The following PACRG variants were observed in gnomAD, a reference collection of about 807,000 sequenced individuals.
PACRG encodes the protein parkin coregulated gene protein.
A neutral mutation model predicts 29.7 loss-of-function variants in PACRG; 29 were observed. The observed-to-expected ratio is 0.98, with a 90% CI of 0.73 to 1.33. The LOEUF is 1.33. Among genes scored for constraint, PACRG ranks in the 40% most tolerant of loss-of-function variants. PACRG has a pLI of 0.00. For synonymous variants in PACRG, 116 were observed against 118.7 expected (o/e 0.98, Z 0.15); for missense variants, 279 against 316.2 (o/e 0.88, Z 0.89).
chr6:162,805,349 G>T lies in PACRG; in HGVS notation c.157-8798G>T, dbSNP rs541050928. ...ATAGCATTATGTCTAAAAACAATGA[G>T]CCTACCATAATTAAAAATACTGCTA... On this transcript the variant is annotated intron_variant, in intron 1 of 4. Transcript: ENST00000366888. 3.3e-5 allele frequency among the ~76,000 whole-genome samples: 5 copies of T among 152,200 alleles called. No homozygotes were observed. The South Asian group carries it at 8.3e-4, about 25-fold the overall frequency.
At chr6:163,111,974 C>T (rs757236052) in intron 4 of PACRG, 13 of 808,332 alleles carry the variant, frequency 1.6e-5, no homozygotes, top group Middle Eastern at 1.3e-3. Context: ...ATTTTTACAC[C>T]CAAATTTTAT....
intron 4 of PACRG, among the ~76,000 whole-genome samples, chr6:163,205,098 C>T (rs964557448): frequency 2.0e-5 from 3 of 152,184 alleles, no homozygotes; most frequent in African/African-American, 7.2e-5. Flanking sequence ...ACATTTCATG[C>T]TTATGGATAG....
intron 1 of PACRG, among the ~76,000 whole-genome samples, chr6:162,748,415 C>A (rs1030305321): frequency 6.6e-6 from 1 of 152,176 alleles, no homozygotes; most frequent in Admixed American, 6.5e-5. Flanking sequence ...ATCGCTTGAA[C>A]CCCAGGAGGC....
intron 4 of PACRG, among the ~76,000 whole-genome samples, chr6:163,303,162 C>G (rs554857451): frequency 6.6e-6 from 1 of 152,058 alleles, no homozygotes; most frequent in Non-Finnish European, 1.5e-5. Context: ...AAAACCCCAT[C>G]TCTACAAAGA....
At chr6:163,162,264 G>A (rs987726434) in intron 4 of PACRG, among the ~76,000 whole-genome samples, 1 of 152,204 alleles carries the variant, frequency 6.6e-6, no homozygotes, top group African/African-American at 2.4e-5. Flanking sequence ...GGCAGCTGCA[G>A]GTGATCTTGG....
At chr6:162,950,182 A>T (rs1364090531) in intron 2 of PACRG, among the ~76,000 whole-genome samples, 2 of 151,814 alleles carry the variant, frequency 1.3e-5, no homozygotes, top group East Asian at 1.9e-4. Context: ...ACTTTTACTG[A>T]TATGATGCAG....
rs35801516 is a variant in PACRG at position 163,117,751 on chromosome 6, CAAAA to C, written c.613+28357_613+28360del. Among the ~76,000 whole-genome samples the C allele has an allele frequency of 6.6e-3, 718 of 108,426 alleles. 6 individuals are homozygous for C. The highest frequency in any genetic ancestry group is 0.021 in the African/African-American group (658 of 30,966). 71.1% of individuals were successfully genotyped at this position (108,426 alleles called of 152,430 possible). A position where few individuals can be genotyped will look rare whatever the true frequency, so the allele number is the denominator to read the frequency against. On this transcript the variant is annotated intron_variant, in intron 4 of 4. Transcript: ENST00000366888. ...GGGTGACAAGAACGAGACTCTGTCT[CAAAA>C]AAAAAAAAAAAAAGTTTCTAATGAA...
At chr6:162,831,142 C>T (rs1788737637) in intron 2 of PACRG, among the ~76,000 whole-genome samples, 1 of 152,096 alleles carries the variant, frequency 6.6e-6, no homozygotes. Flanking sequence ...AGCACGGAGG[C>T]AGGCAGGTAG....
chr6:163,246,421 A>C (rs1447978620), intron 4 of PACRG, among the ~76,000 whole-genome samples: 4 of 152,038 alleles, frequency 2.6e-5, no homozygotes, highest in African/African-American at 9.7e-5. Flanking sequence ...GTGCCTCCAC[A>C]TGGAGGCTTT....
chr6:163,027,342 T>G (rs1807226993), intron 2 of PACRG, among the ~76,000 whole-genome samples: 1 of 152,184 alleles, frequency 6.6e-6, no homozygotes, highest in Non-Finnish European at 1.5e-5. Context: ...CTGTACAATA[T>G]TGCGTTCATT....
intron 4 of PACRG, among the ~76,000 whole-genome samples, chr6:163,183,718 T>G (rs1779779045): frequency 6.6e-6 from 1 of 152,226 alleles, no homozygotes; most frequent in African/African-American, 2.4e-5. Flanking sequence ...TTGTAAAACT[T>G]TCACTACAAG....
chr6:163,162,988 C>T (rs1778621384), intron 4 of PACRG, among the ~76,000 whole-genome samples: 1 of 152,210 alleles, frequency 6.6e-6, no homozygotes, highest in East Asian at 1.9e-4. Context: ...GCAAGGCAAA[C>T]TCCAAATCGA....
intron 4 of PACRG, among the ~76,000 whole-genome samples, chr6:163,137,093 A>G (rs531329412): frequency 1.3e-5 from 2 of 152,228 alleles, no homozygotes; most frequent in Non-Finnish European, 2.9e-5. Context: ...TAGCTTTGCA[A>G]CTAGCAGTAT....
chr6:163,075,394 A>G (rs1479365336), intron 3 of PACRG, among the ~76,000 whole-genome samples: 2 of 152,198 alleles, frequency 1.3e-5, no homozygotes, highest in Non-Finnish European at 2.9e-5. Flanking sequence ...ACACACTTCA[A>G]CTCATTTCAT....
At chr6:162,850,985 C>T (rs1790808697) in intron 2 of PACRG, among the ~76,000 whole-genome samples, 1 of 152,234 alleles carries the variant, frequency 6.6e-6, no homozygotes, top group South Asian at 2.1e-4. Flanking sequence ...CTAGGACACC[C>T]AGCTGGCATT....
intron 4 of PACRG, among the ~76,000 whole-genome samples, chr6:163,254,460 T>C (rs1277918969): frequency 6.6e-6 from 1 of 152,200 alleles, no homozygotes; most frequent in Non-Finnish European, 1.5e-5. Context: ...CATTGTTATA[T>C]GTTTTGCTAC....
At chr6:163,305,059 G>A (rs917288891) in intron 4 of PACRG, among the ~76,000 whole-genome samples, 1 of 152,210 alleles carries the variant, frequency 6.6e-6, no homozygotes, top group Non-Finnish European at 1.5e-5. Context: ...ACAAAGAAAG[G>A]AGGGCCAAGG....
chr6:163,251,514 C>T (rs886215610), intron 4 of PACRG, among the ~76,000 whole-genome samples: 1 of 152,072 alleles, frequency 6.6e-6, no homozygotes, highest in African/African-American at 2.4e-5. Flanking sequence ...GAAACATTTG[C>T]TTTCTATGGG....
chr6:162,828,780 T>G (rs757023014), intron 2 of PACRG, among the ~76,000 whole-genome samples: 5 of 152,178 alleles, frequency 3.3e-5, no homozygotes, highest in Non-Finnish European at 7.3e-5. Context: ...TAATTTGCCC[T>G]GTTTAAAATG....
Sources: allele counts gnomAD v4.1 joint callset (sites outside exome capture counted in the v4.1 genomes callset), GRCh38; gene constraint gnomAD v4.1.1; transcripts MANE v1.5; gene names NCBI Gene and HGNC (gene_info 2026-07-23, HGNC 2026-07-21).